The following FOXO1 variants were observed in gnomAD, a reference collection of about 807,000 sequenced individuals.
FOXO1 encodes forkhead box protein O1.
FOXO1 carries 6 observed loss-of-function variants against 44.1 expected under a neutral mutation model. The observed-to-expected ratio is 0.14, with a 90% CI of 0.07 to 0.27. The LOEUF (loss-of-function observed/expected upper bound fraction) is 0.27. Among genes scored for constraint, FOXO1 ranks in the 10% least tolerant of loss-of-function variants. The pLI is 1.00. For missense variants in FOXO1, 737 were observed against 888.8 expected (o/e 0.83, Z 2.17); for synonymous variants, 380 against 362.7 (o/e 1.05, Z -0.54).
intron 1 of FOXO1, among the ~76,000 whole-genome samples, chr13:40,602,927 A>C (rs570721763): frequency 1.2e-4 from 19 of 152,310 alleles, no homozygotes; most frequent in Admixed American, 1.0e-3. Flanking sequence ...AGTAGAGTTC[A>C]AGGTCCCAAT....
At chr13:40,599,142 A>C (rs1297871857) in intron 1 of FOXO1, among the ~76,000 whole-genome samples, 1 of 148,800 alleles carries the variant, frequency 6.7e-6, no homozygotes, top group South Asian at 2.2e-4. Context: ...AAAAAAAAAA[A>C]CAAGTATATC....
intron 1 of FOXO1, among the ~76,000 whole-genome samples, chr13:40,621,645 C>G (rs1876621564): frequency 6.6e-6 from 1 of 152,114 alleles, no homozygotes; most frequent in South Asian, 2.1e-4. Flanking sequence ...TGTATCTGCA[C>G]AATTCAATAG....
intron 1 of FOXO1, among the ~76,000 whole-genome samples, chr13:40,624,468 A>C (rs1876721999): frequency 6.6e-6 from 1 of 152,156 alleles, no homozygotes; most frequent in Non-Finnish European, 1.5e-5. Flanking sequence ...TATCTCATCC[A>C]ATCACTTATA....
At chr13:40,605,823 AAAG>A (rs919198407) in intron 1 of FOXO1, among the ~76,000 whole-genome samples, 6 of 152,158 alleles carry the variant, frequency 3.9e-5, no homozygotes, top group African/African-American at 1.4e-4. Flanking sequence ...CTAGTGTGTG[AAAG>A]AAGGCCACAA....
intron 1 of FOXO1, among the ~76,000 whole-genome samples, chr13:40,623,306 A>C (rs147019108): frequency 1.9e-4 from 29 of 152,282 alleles, no homozygotes; most frequent in Admixed American, 5.2e-4. Context: ...CGTGTGGGGC[A>C]TTAGTTATTA....
At chr13:40,646,617 C>T (rs541236863) in intron 1 of FOXO1, among the ~76,000 whole-genome samples, 4 of 152,152 alleles carry the variant, frequency 2.6e-5, no homozygotes, top group Non-Finnish European at 5.9e-5. Context: ...TGTTTTGAGA[C>T]GGAGTCTGGC....
chr13:40,659,801 A>C (rs1049027320), intron 1 of FOXO1, among the ~76,000 whole-genome samples: 1 of 152,198 alleles, frequency 6.6e-6, no homozygotes, highest in Admixed American at 6.5e-5. Context: ...GGAATAGAGT[A>C]AACTGGGATG....
intron 1 of FOXO1, among the ~76,000 whole-genome samples, chr13:40,623,335 A>C (rs1876680916): frequency 6.6e-6 from 1 of 152,120 alleles, no homozygotes; most frequent in South Asian, 2.1e-4. Flanking sequence ...GACTATTATG[A>C]AAATCAACTT....
At chr13:40,581,431 C>T (rs987223605) in intron 1 of FOXO1, among the ~76,000 whole-genome samples, 1 of 152,242 alleles carries the variant, frequency 6.6e-6, no homozygotes, top group Non-Finnish European at 1.5e-5. Context: ...AATTAGCCCC[C>T]ATCTGCTTCC....
At chr13:40,600,901 A>T (rs574978693) in intron 1 of FOXO1, among the ~76,000 whole-genome samples, 1 of 152,200 alleles carries the variant, frequency 6.6e-6, no homozygotes, top group Admixed American at 6.5e-5. Flanking sequence ...GATGATTACA[A>T]CCAATCAACA....
intron 1 of FOXO1, among the ~76,000 whole-genome samples, chr13:40,645,759 A>G (rs1877488354): frequency 6.6e-6 from 1 of 152,196 alleles, no homozygotes; most frequent in African/African-American, 2.4e-5. Context: ...CTCATTTTTA[A>G]TATCAGCCAT....
intron 1 of FOXO1, among the ~76,000 whole-genome samples, chr13:40,564,252 C>T (rs2701858): frequency 0.074 from 11,129 of 151,070 alleles, 505 homozygotes; most frequent in East Asian, 0.24. Context: ...CGTTCACTAA[C>T]TCAGGTGGGA....
chr13:40,621,328 C>A, intron 1 of FOXO1: 2 of 607,876 alleles, frequency 3.3e-6, no homozygotes, highest in South Asian at 3.1e-5. Context: ...GTTTTAGGGT[C>A]CAACATAGCA....
chr13:40,646,292 C>CTT (rs199747779), intron 1 of FOXO1, among the ~76,000 whole-genome samples: 7 of 129,870 alleles, frequency 5.4e-5, no homozygotes, highest in South Asian at 2.5e-4. Context: ...CTTCTGTGAC[C>CTT]TTTTTTTTTT....
chr13:40,651,301 T>C (rs1877680489), intron 1 of FOXO1, among the ~76,000 whole-genome samples: 1 of 152,050 alleles, frequency 6.6e-6, no homozygotes, highest in African/African-American at 2.4e-5. Context: ...ACACTGAAAG[T>C]ATCAAAATGG....
intron 1 of FOXO1, among the ~76,000 whole-genome samples, chr13:40,613,831 T>C (rs1188978352): frequency 2.0e-5 from 3 of 152,212 alleles, no homozygotes; most frequent in Non-Finnish European, 2.9e-5. Context: ...ACCAGGCAGC[T>C]TTCATGGAAC....
intron 1 of FOXO1, among the ~76,000 whole-genome samples, chr13:40,595,274 G>A (rs948973671): frequency 1.3e-5 from 2 of 152,192 alleles, no homozygotes; most frequent in African/African-American, 2.4e-5. Context: ...AAAGAATAAA[G>A]CCTCCATTCT....
At chr13:40,648,833 C>T (rs559919477) in intron 1 of FOXO1, among the ~76,000 whole-genome samples, 23 of 152,286 alleles carry the variant, frequency 1.5e-4, no homozygotes, top group African/African-American at 5.3e-4. Flanking sequence ...ATAGAAGGGG[C>T]ATTAAAAATT....
intron 1 of FOXO1, among the ~76,000 whole-genome samples, chr13:40,590,969 A>G (rs1047193068): frequency 6.6e-6 from 1 of 152,124 alleles, no homozygotes; most frequent in Admixed American, 6.5e-5. Context: ...CTAAGGTACT[A>G]AAGTATTGAA....
Sources: allele counts gnomAD v4.1 joint callset (sites outside exome capture counted in the v4.1 genomes callset), GRCh38; gene constraint gnomAD v4.1.1; transcripts MANE v1.5; gene names NCBI Gene and HGNC (gene_info 2026-07-23, HGNC 2026-07-21).